TRIM37: variants seen among roughly 807,000 people sequenced by gnomAD.
TRIM37 encodes E3 ubiquitin-protein ligase TRIM37.
TRIM37 carries 80 observed loss-of-function variants against 129.8 expected under a neutral mutation model. The observed-to-expected ratio is 0.62, with a 90% CI of 0.51 to 0.74. The LOEUF (loss-of-function observed/expected upper bound fraction) is 0.74. TRIM37 is among the 30% of genes least tolerant of loss of function. The probability of loss-of-function intolerance (pLI) is 0.00; values close to 1 mark genes in which losing one functional copy is unlikely to be tolerated. For missense variants in TRIM37, 1,054 were observed against 1,176.5 expected (o/e 0.90, Z 1.52); for synonymous variants, 389 against 387.1 (o/e 1.00, Z -0.06).
chr17:59,033,086 C>T (rs900301426), intron 17 of TRIM37, among the ~76,000 whole-genome samples: 1 of 152,216 alleles, frequency 6.6e-6, no homozygotes, highest in East Asian at 1.9e-4. Context: ...TTAAAACTGA[C>T]CTTCTTCAAT....
chr17:59,060,580 T>C (rs914795099), intron 12 of TRIM37, among the ~76,000 whole-genome samples: 3 of 152,180 alleles, frequency 2.0e-5, no homozygotes, highest in African/African-American at 4.8e-5. Context: ...TATTCCTCCT[T>C]GTCAAAAAGT....
chr17:58,989,301 T>C (rs1445045390), intron 24 of TRIM37, among the ~76,000 whole-genome samples: 1 of 152,084 alleles, frequency 6.6e-6, no homozygotes, highest in African/African-American at 2.4e-5. Context: ...CCAGGCGTGG[T>C]GGTGCACACC....
intron 19 of TRIM37, 112 bp from the exon 20 acceptor site, chr17:59,017,536 C>T: frequency 6.9e-7 from 1 of 1,439,230 alleles, no homozygotes; most frequent in South Asian, 1.2e-5. Flanking sequence ...GTTCTCTCTA[C>T]TGTCTAAAAA....
chr17:59,093,823 T>C (rs2044617645), intron 2 of TRIM37, among the ~76,000 whole-genome samples: 1 of 152,212 alleles, frequency 6.6e-6, no homozygotes, highest in Non-Finnish European at 1.5e-5. Context: ...ATTTCCTGCC[T>C]TTCCCAGGCT....
At chr17:59,016,877 A>T (rs972019576) in intron 20 of TRIM37, among the ~76,000 whole-genome samples, 32 of 152,134 alleles carry the variant, frequency 2.1e-4, no homozygotes, top group Non-Finnish European at 1.6e-4. Flanking sequence ...TTCTGTTGAG[A>T]TCAAGAAACT....
At chr17:58,994,749 T>G (rs373010478), downstream of TRIM37, among the ~76,000 whole-genome samples, 7 of 151,512 alleles carry the variant, frequency 4.6e-5, no homozygotes, top group East Asian at 1.4e-3. Context: ...TTTCTTTCTT[T>G]CTTTTTTTTT....
chr17:58,967,725 T>TG, the TRIM37 span, among the ~76,000 whole-genome samples: 29 of 152,070 alleles, frequency 1.9e-4, no homozygotes, highest in Admixed American at 1.8e-3. Context: ...TTGTTTCTTG[T>TG]GGTGCTATTT....
chr17:59,044,327 G>A lies in TRIM37; in HGVS notation c.1668-2429C>T, dbSNP rs186375806. On this transcript the variant is annotated intron_variant, in intron 16 of 23. Transcript: ENST00000262294. ...CCCGTCTCAAAAAATAAAGCCGGCC[G>A]GGTGCTGTGGCTCACCTGAGGCCAG... Among the ~76,000 whole-genome samples, 10 of 151,920 alleles carry A rather than the reference G, an allele frequency of 6.6e-5. No homozygotes were observed. The East Asian group carries it at 7.8e-4, about 12-fold the overall frequency.
chr17:59,023,910 T>C (rs1364246788), intron 19 of TRIM37, among the ~76,000 whole-genome samples: 1 of 152,050 alleles, frequency 6.6e-6, no homozygotes, highest in Non-Finnish European at 1.5e-5. Flanking sequence ...ATTGAAAAAC[T>C]GTTAATAAAA....
At chr17:59,020,350 A>G (rs966907772) in intron 19 of TRIM37, among the ~76,000 whole-genome samples, 20 of 151,686 alleles carry the variant, frequency 1.3e-4, no homozygotes. Context: ...GAGGAGATGA[A>G]CAAAATTAGC....
intron 7 of TRIM37, among the ~76,000 whole-genome samples, chr17:59,076,973 A>G (rs2042862211): frequency 1.3e-5 from 2 of 152,190 alleles, no homozygotes; most frequent in South Asian, 4.1e-4. Context: ...TTTTTAGTAG[A>G]GATGGGGTTT....
At chr17:58,982,964 A>G in intron 24 of TRIM37, 3 of 1,539,516 alleles carry the variant, frequency 1.9e-6, no homozygotes, top group Non-Finnish European at 2.6e-6. Context: ...ATTGGTACAC[A>G]TTATAGTCCA....
Position 59,049,339 on chromosome 17 carries a change from CTGG to C in TRIM37, c.1366_1368del (p.Pro456del). ...TCATTTTGGGGGCTAAGATGGTTATCTGGTGGTGACAAATCTCTTGACTTCTGA... is the reference window on the plus strand; with the variant it reads ...TCATTTTGGGGGCTAAGATGGTTATCTGGTGACAAATCTCTTGACTTCTGA... On this transcript the variant is annotated inframe_deletion, in exon 15 of 24. Coordinates refer to ENST00000262294, the MANE Select transcript of TRIM37 (RefSeq NM_015294.6). The C allele has an allele frequency of 6.2e-7, 1 of 1,614,114 alleles. No individual in the cohort carries two copies. Among genetic ancestry groups the C allele is most frequent in the Non-Finnish European group, 8.5e-7 (1 of 1,180,040 alleles).
At chr17:59,004,995 A>C (rs560601688) in intron 22 of TRIM37, among the ~76,000 whole-genome samples, 1 of 152,342 alleles carries the variant, frequency 6.6e-6, no homozygotes, top group East Asian at 1.9e-4. Context: ...GAAGTAGGGG[A>C]AAAAGAAAAA....
chr17:58,982,850 C>T (rs771649257), exon 25 of TRIM37: 90 of 1,497,194 alleles, frequency 6.0e-5, no homozygotes, highest in Non-Finnish European at 8.1e-5. Context: ...GGTCCTCACT[C>T]ATATCTGTCA....
intron 14 of TRIM37, among the ~76,000 whole-genome samples, chr17:59,050,786 TG>T (rs2040262981): frequency 6.6e-6 from 1 of 152,160 alleles, no homozygotes; most frequent in Admixed American, 6.6e-5. Context: ...GAGACCATCC[TG>T]GCTAACACTG....
At chr17:59,072,302 T>C (rs1445658821) in intron 8 of TRIM37, among the ~76,000 whole-genome samples, 1 of 152,190 alleles carries the variant, frequency 6.6e-6, no homozygotes, top group Non-Finnish European at 1.5e-5. Context: ...AGTCTCACAG[T>C]CATTGGTATT....
chr17:59,095,217 T>TA lies in TRIM37; in HGVS notation c.124-3878dup, dbSNP rs879324328. 8.1e-4 allele frequency among the ~76,000 whole-genome samples: 118 copies of TA among 145,548 alleles called. 1 individual carries two copies. The East Asian group carries it at 0.011, about 14-fold the overall frequency. On this transcript the variant is annotated intron_variant, in intron 2 of 23. Coordinates refer to ENST00000262294, the MANE Select transcript of TRIM37 (RefSeq NM_015294.6). Reference sequence around the variant, plus strand: ...GATGACAGAGCAAGACTCGGTCTCTTAAAAAAAAAAAATCCATAGACCATG... The same window carrying TA: ...GATGACAGAGCAAGACTCGGTCTCTTAAAAAAAAAAAAATCCATAGACCATG...
intron 16 of TRIM37, among the ~76,000 whole-genome samples, chr17:59,043,859 G>T (rs923297271): frequency 1.3e-5 from 2 of 152,192 alleles, no homozygotes; most frequent in African/African-American, 4.8e-5. Context: ...CTTTGGCTCA[G>T]AGATTTTGCC....
Sources: gnomAD v4.1 joint callset for allele counts (sites outside exome capture counted in the v4.1 genomes callset) on GRCh38, gnomAD v4.1.1 for gene constraint, MANE v1.5 for transcripts, NCBI Gene and HGNC (gene_info 2026-07-23, HGNC 2026-07-21) for gene names.